The following DOCK3 variants were observed in gnomAD, a reference collection of about 807,000 sequenced individuals.
The protein encoded by DOCK3 is dedicator of cytokinesis 3, also known as dedicator of cytokinesis protein 3.
In DOCK3, 60 loss-of-function variants were observed where a neutral mutation model predicts 265.6. The ratio of observed to expected loss-of-function variants is 0.23; its 90% CI spans 0.18 to 0.28. The LOEUF (loss-of-function observed/expected upper bound fraction) is 0.28, where lower values mean the gene tolerates loss of function less well. Ranked by LOEUF, DOCK3 falls within the 10% of genes least tolerant of loss-of-function variation. DOCK3 has a pLI of 1.00. For missense variants in DOCK3, 1,981 were observed against 2,594.3 expected, an observed-to-expected ratio of 0.76 and a Z score of 5.14; for synonymous variants, 881 against 938.0, an observed-to-expected ratio of 0.94 and a Z score of 1.11.
At chr3:51,281,764 T>A (rs2081131395) in intron 27 of DOCK3, among the ~76,000 whole-genome samples, 1 of 152,208 alleles carries the variant, frequency 6.6e-6, no homozygotes, top group African/African-American at 2.4e-5. Flanking sequence ...TCTAGCAGGC[T>A]TCCCTGTAGA....
At position 51,100,263 on chromosome 3, in the gene DOCK3, A is replaced by G. The variant is rs897458227; in HGVS notation, c.746+9879A>G. 8.5e-5 allele frequency among the ~76,000 whole-genome samples: 13 copies of G among 152,380 alleles called. No individual in the cohort carries two copies. The South Asian group carries it at 2.3e-3, about 27-fold the overall frequency. On this transcript the variant is annotated intron_variant, in intron 9 of 52. Transcript: ENST00000266037. Reference sequence around the variant, plus strand: ...ATAAAGCAGGCAGATATTGTAAGGCAGTAAAAAGTTGGAGAAAAAGATCAA... The same window carrying G: ...ATAAAGCAGGCAGATATTGTAAGGCGGTAAAAAGTTGGAGAAAAAGATCAA...
At chr3:51,140,565 G>A (rs1250525710) in intron 9 of DOCK3, among the ~76,000 whole-genome samples, 1 of 152,084 alleles carries the variant, frequency 6.6e-6, no homozygotes, top group Non-Finnish European at 1.5e-5. Context: ...GAACATTCAT[G>A]TACAAATTTT....
At chr3:51,070,640 G>T (rs1323076876) in intron 6 of DOCK3, among the ~76,000 whole-genome samples, 3 of 152,160 alleles carry the variant, frequency 2.0e-5, no homozygotes, top group African/African-American at 4.8e-5. Context: ...GTTCTTATCT[G>T]TATGCTGTTT....
At chr3:50,693,673 C>T (rs2035405988) in intron 1 of DOCK3, among the ~76,000 whole-genome samples, 1 of 151,218 alleles carries the variant, frequency 6.6e-6, no homozygotes, top group East Asian at 2.0e-4. Context: ...GTAGCTGGGA[C>T]TGCAGGCACC....
intron 2 of DOCK3, among the ~76,000 whole-genome samples, chr3:50,833,280 C>T (rs1186622850): frequency 6.6e-6 from 1 of 152,124 alleles, no homozygotes; most frequent in African/African-American, 2.4e-5. Flanking sequence ...TAATAACAGG[C>T]ATACCATAGT....
intron 3 of DOCK3, among the ~76,000 whole-genome samples, chr3:50,888,088 C>T (rs1015519738): frequency 1.3e-5 from 2 of 152,126 alleles, no homozygotes; most frequent in Non-Finnish European, 2.9e-5. Flanking sequence ...TTGCAGATGA[C>T]ATGATTGTAT....
chr3:51,216,233 ATTTAAGCAAAATTTGATTT>A (rs2089780110), intron 14 of DOCK3, among the ~76,000 whole-genome samples: 1 of 152,214 alleles, frequency 6.6e-6, no homozygotes, highest in Admixed American at 6.5e-5. Context: ...TCAAAAATGT[ATTTAAGCAAAATTTGATTT>A]TAAGTTACAT....
chr3:51,031,157 T>C (rs1486043147), intron 5 of DOCK3, among the ~76,000 whole-genome samples: 1 of 152,208 alleles, frequency 6.6e-6, no homozygotes, highest in East Asian at 1.9e-4. Flanking sequence ...TTCTTCTATA[T>C]TTTATTGTCA....
chr3:51,266,859 G>A (rs2080201636), intron 23 of DOCK3, among the ~76,000 whole-genome samples: 2 of 152,182 alleles, frequency 1.3e-5, no homozygotes, highest in Non-Finnish European at 2.9e-5. Flanking sequence ...CTTCTGCACA[G>A]CAAAAGAAGC....
chr3:51,179,260 C>T (rs937719499), intron 12 of DOCK3, among the ~76,000 whole-genome samples: 1 of 152,186 alleles, frequency 6.6e-6, no homozygotes, highest in Middle Eastern at 3.2e-3. Flanking sequence ...ACTCTCTGAT[C>T]CCAGTGCAGT....
chr3:51,338,091 C>A (rs1560461576), intron 35 of DOCK3, among the ~76,000 whole-genome samples: 2 of 152,206 alleles, frequency 1.3e-5, no homozygotes, highest in South Asian at 4.1e-4. Flanking sequence ...TTGGTAGGTG[C>A]CACTTAATAC....
In DOCK3 at chr3:50,886,901, G is replaced by A. The variant is rs113483792; in HGVS notation, c.163-3125G>A. On this transcript the variant is annotated intron_variant, in intron 3 of 52. Coordinates refer to ENST00000266037, the MANE Select transcript of DOCK3 (RefSeq NM_004947.5). ...AAATTTGTGCACTAAATGCCCACAA[G>A]AGAAAGCAGGAAAGATCCAAAATTG... Among the ~76,000 whole-genome samples, 525 of 152,180 alleles carry A rather than the reference G, an allele frequency of 3.4e-3. 4 individuals carry two copies. Among genetic ancestry groups the A allele is most frequent in the African/African-American group, 0.012 (506 of 41,538 alleles).
At chr3:50,798,402 CAA>C (rs971108454) in intron 2 of DOCK3, among the ~76,000 whole-genome samples, 13 of 152,142 alleles carry the variant, frequency 8.5e-5, no homozygotes, top group African/African-American at 2.9e-4. Context: ...ATGACAATGA[CAA>C]GAGAATGAGA....
intron 9 of DOCK3, among the ~76,000 whole-genome samples, chr3:51,109,505 C>T (rs2083427372): frequency 6.6e-6 from 1 of 151,820 alleles, no homozygotes; most frequent in South Asian, 2.1e-4. Flanking sequence ...CAGAAGATAA[C>T]CAATACCAAA....
intron 9 of DOCK3, among the ~76,000 whole-genome samples, chr3:51,123,174 G>C (rs1195897501): frequency 6.6e-6 from 1 of 152,074 alleles, no homozygotes; most frequent in African/African-American, 2.4e-5. Flanking sequence ...GCCTACCCAT[G>C]GTCCATCTCC....
chr3:51,363,470 G>T (rs1331578284), intron 49 of DOCK3, among the ~76,000 whole-genome samples: 1 of 152,152 alleles, frequency 6.6e-6, no homozygotes, highest in African/African-American at 2.4e-5. Context: ...TGAAACCAAA[G>T]AAAAATATCA....
chr3:51,114,245 A>G (rs892815826), intron 9 of DOCK3, among the ~76,000 whole-genome samples: 2 of 152,244 alleles, frequency 1.3e-5, no homozygotes, highest in Non-Finnish European at 2.9e-5. Flanking sequence ...AATATTTTAG[A>G]TAAAGAATTG....
intron 24 of DOCK3, 54 bp downstream of exon 24, chr3:51,271,061 T>A: frequency 6.5e-7 from 1 of 1,533,222 alleles, no homozygotes; most frequent in Non-Finnish European, 8.8e-7. Context: ...TCCTCCTTCC[T>A]TCCAGGGGTG....
intron 14 of DOCK3, among the ~76,000 whole-genome samples, chr3:51,216,481 G>C (rs1218181058): frequency 1.3e-5 from 2 of 152,172 alleles, no homozygotes; most frequent in African/African-American, 2.4e-5. Flanking sequence ...GCAGGCCCAG[G>C]GTGGGGCTGT....
Sources: allele counts gnomAD v4.1 joint callset (sites outside exome capture counted in the v4.1 genomes callset), GRCh38; gene constraint gnomAD v4.1.1; transcripts MANE v1.5; gene names NCBI Gene and HGNC (gene_info 2026-07-23, HGNC 2026-07-21).